CSMD1: variants seen among roughly 807,000 people sequenced by gnomAD.
CSMD1 encodes the protein CUB and Sushi multiple domains 1.
CSMD1 carries 213 observed loss-of-function variants against 417.5 expected under a neutral mutation model. The observed-to-expected ratio is 0.51, with a 90% CI of 0.46 to 0.57. The LOEUF is 0.57. Ranked by LOEUF, CSMD1 falls within the 20% of genes least tolerant of loss-of-function variation. The probability of loss-of-function intolerance (pLI) is 0.00; values close to 1 mark genes in which losing one functional copy is unlikely to be tolerated. For missense variants in CSMD1, 6,923 were observed against 4,529.7 expected, an observed-to-expected ratio of 1.53 and a Z score of -15.17; for synonymous variants, 2,862 against 1,736.8, an observed-to-expected ratio of 1.65 and a Z score of -16.11.
At chr8:4,701,399 G>A (rs182926789) in intron 1 of CSMD1, among the ~76,000 whole-genome samples, 87 of 151,280 alleles carry the variant, frequency 5.8e-4, no homozygotes, top group Middle Eastern at 3.4e-3. Context: ...CCCAGGATGC[G>A]TTCCCTTACT....
intron 25 of CSMD1, among the ~76,000 whole-genome samples, chr8:3,296,917 G>C (rs1038261687): frequency 6.6e-6 from 1 of 152,134 alleles, no homozygotes; most frequent in Non-Finnish European, 1.5e-5. Context: ...CACGTAAGTT[G>C]GAGTTTCAGA....
At chr8:3,590,268 T>C (rs770542889) in intron 8 of CSMD1, among the ~76,000 whole-genome samples, 5 of 152,180 alleles carry the variant, frequency 3.3e-5, no homozygotes, top group African/African-American at 4.8e-5. Flanking sequence ...TTTTTGTTTA[T>C]ATATTCAAAT....
intron 3 of CSMD1, among the ~76,000 whole-genome samples, chr8:4,156,648 G>C (rs1005301424): frequency 1.3e-5 from 2 of 152,068 alleles, no homozygotes; most frequent in Non-Finnish European, 2.9e-5. Flanking sequence ...GGTGATACCA[G>C]GTACCCATCT....
chr8:4,163,003 G>T (rs1797257468), intron 3 of CSMD1, among the ~76,000 whole-genome samples: 1 of 152,130 alleles, frequency 6.6e-6, no homozygotes, highest in Non-Finnish European at 1.5e-5. Flanking sequence ...AACCTTTTCA[G>T]ACTGACTTCT....
At chr8:4,976,118 T>C (rs1007015384) in intron 1 of CSMD1, among the ~76,000 whole-genome samples, 3 of 152,034 alleles carry the variant, frequency 2.0e-5, no homozygotes, top group African/African-American at 4.8e-5. Context: ...ATTGGATAAA[T>C]ATGGACATAA....
At chr8:4,063,779 T>C (rs899767035) in intron 3 of CSMD1, among the ~76,000 whole-genome samples, 3 of 152,156 alleles carry the variant, frequency 2.0e-5, no homozygotes, top group African/African-American at 7.2e-5. Flanking sequence ...TACTTCTTCA[T>C]TCAGTTCCAC....
chr8:4,342,225 GTGTGTGTCTGTGTGTGTGTGTGTGTCTC>G (rs1289922856), intron 3 of CSMD1, among the ~76,000 whole-genome samples: 60 of 11,374 alleles, frequency 5.3e-3, no homozygotes, highest in African/African-American at 0.024. Context: ...GTGTGTGTGT[GTGTGTGTCTGTGTGTGTGTGTGTGTCTC>G]TGTATGTGTG....
chr8:3,794,294 G>C (rs73658269), intron 5 of CSMD1, among the ~76,000 whole-genome samples: 9,637 of 152,140 alleles, frequency 0.063, 654 homozygotes, highest in African/African-American at 0.16. Flanking sequence ...TAGGTGTAGC[G>C]ACTTCAAACT....
chr8:4,121,518 C>A (rs1802486345), intron 3 of CSMD1, among the ~76,000 whole-genome samples: 1 of 151,854 alleles, frequency 6.6e-6, no homozygotes, highest in African/African-American at 2.4e-5. Flanking sequence ...AATTGTAACC[C>A]TGACAGATTT....
intron 1 of CSMD1, among the ~76,000 whole-genome samples, chr8:4,968,427 T>C (rs1810020032): frequency 6.6e-6 from 1 of 152,012 alleles, no homozygotes; most frequent in South Asian, 2.1e-4. Context: ...AAGCCCCTGG[T>C]AACCACTATT....
intron 5 of CSMD1, among the ~76,000 whole-genome samples, chr8:3,906,986 A>T (rs1808158490): frequency 1.3e-5 from 2 of 152,170 alleles, no homozygotes; most frequent in African/African-American, 2.4e-5. Flanking sequence ...CGCTTCAAAC[A>T]TGTTGTAAGA....
intron 3 of CSMD1, among the ~76,000 whole-genome samples, chr8:4,325,790 G>C (rs543827538): frequency 6.6e-6 from 1 of 152,072 alleles, no homozygotes; most frequent in Admixed American, 6.6e-5. Context: ...TTAAATGCTG[G>C]CCCATTTAAA....
chr8:3,575,262 G>C (rs928073013), intron 9 of CSMD1, among the ~76,000 whole-genome samples, 196 bp from the exon 10 acceptor site: 1 of 151,564 alleles, frequency 6.6e-6, no homozygotes, highest in African/African-American at 2.4e-5. Flanking sequence ...CTTTTGCTTG[G>C]TATCTGCAGT....
At chr8:3,194,712 T>G (rs1213217048) in intron 33 of CSMD1, among the ~76,000 whole-genome samples, 2 of 151,800 alleles carry the variant, frequency 1.3e-5, no homozygotes, top group African/African-American at 4.8e-5. Flanking sequence ...TCAGATAATC[T>G]GCCTGCCTTG....
At chr8:4,174,713 G>GAGGAAGAGGGATGTC (rs1563223863) in intron 3 of CSMD1, among the ~76,000 whole-genome samples, 1 of 105,826 alleles carries the variant, frequency 9.4e-6, no homozygotes, top group Non-Finnish European at 1.9e-5. Context: ...ACTGAAGAGA[G>GAGGAAGAGGGATGTC]AGGAAGAGGG....
intron 5 of CSMD1, among the ~76,000 whole-genome samples, chr8:3,962,264 G>A (rs1045040556): frequency 6.6e-6 from 1 of 152,126 alleles, no homozygotes. Flanking sequence ...TCATGATGAG[G>A]TTCTTCTGTC....
intron 3 of CSMD1, among the ~76,000 whole-genome samples, chr8:4,285,229 C>T (rs191525299): frequency 1.7e-4 from 26 of 152,220 alleles, no homozygotes; most frequent in South Asian, 4.1e-4. Context: ...GTATACAATC[C>T]GGTTTCATCA....
chr8:4,594,234 T>G (rs1314673029), intron 2 of CSMD1, among the ~76,000 whole-genome samples: 1 of 139,548 alleles, frequency 7.2e-6, no homozygotes, highest in Non-Finnish European at 1.6e-5. Context: ...GACGGGGTCT[T>G]GCTCTGTTAC....
chr8:3,303,095 G>T (rs953436363), intron 25 of CSMD1, among the ~76,000 whole-genome samples: 1 of 152,144 alleles, frequency 6.6e-6, no homozygotes, highest in Non-Finnish European at 1.5e-5. Context: ...TATTGTCTAT[G>T]AAAACTAAGG....
Sources: allele counts gnomAD v4.1 joint callset (sites outside exome capture counted in the v4.1 genomes callset), GRCh38; gene constraint gnomAD v4.1.1; transcripts MANE v1.5; gene names NCBI Gene and HGNC (gene_info 2026-07-23, HGNC 2026-07-21).